OTOGL: variants seen among roughly 807,000 people sequenced by gnomAD.
OTOGL encodes the protein otogelin-like protein.
OTOGL carries 285 observed loss-of-function variants against 318.5 expected under a neutral mutation model. That is an observed-to-expected ratio of 0.89 (90% CI 0.81 to 0.99). OTOGL has a LOEUF of 0.99. Among genes scored for constraint, OTOGL ranks in the 50% least tolerant of loss-of-function variants. The pLI is 0.00. For synonymous variants in OTOGL, 987 were observed against 936.5 expected, an observed-to-expected ratio of 1.05 and a Z score of -0.99; for missense variants, 2,899 against 2,845.6, an observed-to-expected ratio of 1.02 and a Z score of -0.43.
rs988919377 is a variant in OTOGL at position 80,293,657 on chromosome 12, C to CA, written c.2929-3170_2929-3169insA. ...CATTTCTACTTCCTCATATGTTCAG[C>CA]TTTTTTTTTTTTACCTGGTCAGCTC... On this transcript the variant is annotated intron_variant, in intron 26 of 58. Transcript: ENST00000547103. Among the ~76,000 whole-genome samples the CA allele has an allele frequency of 5.5e-5, 8 of 145,200 alleles. No homozygotes were observed. In the East Asian group the frequency reaches 1.6e-3, roughly 29 times the overall value.
intron 1 of OTOGL, among the ~76,000 whole-genome samples, chr12:80,175,770 C>G (rs1045876677): frequency 1.1e-4 from 17 of 152,100 alleles, no homozygotes; most frequent in African/African-American, 3.4e-4. Flanking sequence ...CTGCCTGATT[C>G]ACTTAGAAGT....
Position 80,262,094 on chromosome 12 carries a change from G to A in OTOGL, c.2014+1G>A. Reference sequence around the variant, plus strand: ...CCCTGTAACATCAATCAACAAAACAGTAAGTTTTGCATGTAAACTTCCTTT... The same window carrying A: ...CCCTGTAACATCAATCAACAAAACAATAAGTTTTGCATGTAAACTTCCTTT... On this transcript the variant is annotated splice_donor_variant, in intron 19 of 58. Transcript: ENST00000547103. LOFTEE classifies it high-confidence loss of function. 3.7e-6 allele frequency: 6 copies of A among 1,602,666 alleles called. No homozygotes were observed. The highest frequency in any genetic ancestry group is 2.2e-5 in the East Asian group (1 of 44,574).
At chr12:80,102,180 G>T (rs1869179911) in intron 1 of OTOGL, among the ~76,000 whole-genome samples, 1 of 152,156 alleles carries the variant, frequency 6.6e-6, no homozygotes, top group Admixed American at 6.5e-5. Context: ...AACTCCCTGG[G>T]ACCCTAAGTA....
At chr12:80,151,723 G>A (rs1296856174) in intron 1 of OTOGL, among the ~76,000 whole-genome samples, 1 of 152,156 alleles carries the variant, frequency 6.6e-6, no homozygotes, top group Non-Finnish European at 1.5e-5. Context: ...GTGGTGAGAG[G>A]CAAAGGAAGA....
At chr12:80,307,541 C>A (rs555446974) in intron 29 of OTOGL, among the ~76,000 whole-genome samples, 14 of 146,646 alleles carry the variant, frequency 9.5e-5, no homozygotes, top group African/African-American at 3.6e-4. Context: ...ACCTCCGGGA[C>A]GGGGCAGCTG....
intron 29 of OTOGL, 64 bp from the exon 30 acceptor site, chr12:80,310,547 G>T: frequency 8.8e-7 from 1 of 1,130,442 alleles, no homozygotes; most frequent in Non-Finnish European, 1.3e-6. Context: ...AAGTTGGGTA[G>T]GTTACTCTGT....
At chr12:80,203,101 C>A (rs1876572211) in intron 1 of OTOGL, among the ~76,000 whole-genome samples, 1 of 152,164 alleles carries the variant, frequency 6.6e-6, no homozygotes. Context: ...TGAATGCATT[C>A]ATTTTCTTTA....
chr12:80,282,808 C>T (rs1209220327), intron 26 of OTOGL, among the ~76,000 whole-genome samples: 1 of 151,884 alleles, frequency 6.6e-6, no homozygotes, highest in African/African-American at 2.4e-5. Context: ...CTCTGACACT[C>T]CTTTAAGTTA....
chr12:80,149,081 G>A (rs1379799239), intron 1 of OTOGL, among the ~76,000 whole-genome samples: 1 of 152,184 alleles, frequency 6.6e-6, no homozygotes, highest in East Asian at 1.9e-4. Flanking sequence ...GTCCAGCTTT[G>A]TTCCATTGCT....
chr12:80,377,532 G>A (rs936209828), intron 58 of OTOGL, among the ~76,000 whole-genome samples: 18 of 152,194 alleles, frequency 1.2e-4, no homozygotes, highest in African/African-American at 3.9e-4. Flanking sequence ...GACCTGCAGT[G>A]TGCTTGAGCC....
chr12:80,235,619 A>C (rs1242303935), intron 9 of OTOGL, among the ~76,000 whole-genome samples: 1 of 152,158 alleles, frequency 6.6e-6, no homozygotes, highest in East Asian at 1.9e-4. Flanking sequence ...AGACAGACTT[A>C]TATGTTCCAG....
chr12:80,238,702 T>A, intron 9 of OTOGL, 149 bp from the exon 10 acceptor site: 2 of 1,063,852 alleles, frequency 1.9e-6, no homozygotes, highest in Non-Finnish European at 2.4e-6. Flanking sequence ...TAAAGTAATG[T>A]TATTATCTAA....
At chr12:80,234,451 G>A (rs1207171910) in intron 9 of OTOGL, among the ~76,000 whole-genome samples, 1 of 152,136 alleles carries the variant, frequency 6.6e-6, no homozygotes, top group Non-Finnish European at 1.5e-5. Flanking sequence ...ATGGTGAAAG[G>A]ACTACTTAGA....
chr12:80,270,911 AT>A (rs1229172849), intron 23 of OTOGL, among the ~76,000 whole-genome samples: 2 of 152,054 alleles, frequency 1.3e-5, no homozygotes, highest in African/African-American at 4.8e-5. Flanking sequence ...GTGTAGGCTA[AT>A]AAAAGTAATT....
At chr12:80,140,150 G>C (rs574682471) in intron 1 of OTOGL, among the ~76,000 whole-genome samples, 1 of 152,090 alleles carries the variant, frequency 6.6e-6, no homozygotes, top group South Asian at 2.1e-4. Context: ...ATGACATTTC[G>C]AGTCTACCTC....
At position 80,378,314 on chromosome 12, in the gene OTOGL, C is replaced by T; in HGVS notation, c.*266C>T. ...TTATGTATTTAATTACAACTTGGTG[C>T]AGATACAGTATATTCTCATCAACTG... On this transcript the variant is annotated 3_prime_UTR_variant, in exon 59 of 59. Transcript: ENST00000547103. The T allele has an allele frequency of 3.0e-6, 1 of 338,302 alleles. No individual in the cohort carries two copies. The highest frequency in any genetic ancestry group is 5.4e-6 in the Non-Finnish European group (1 of 184,492). 21.0% of individuals were successfully genotyped at this position (338,302 alleles called of 1,614,324 possible).
At chr12:80,273,754 C>T (rs1883586286) in intron 24 of OTOGL, among the ~76,000 whole-genome samples, 2 of 151,906 alleles carry the variant, frequency 1.3e-5, no homozygotes, top group Admixed American at 6.6e-5. Flanking sequence ...TGTGTGGCAA[C>T]CCTGCATCAA....
At chr12:80,186,579 T>A (rs1875306699) in intron 1 of OTOGL, among the ~76,000 whole-genome samples, 1 of 152,158 alleles carries the variant, frequency 6.6e-6, no homozygotes, top group Non-Finnish European at 1.5e-5. Context: ...AAAGAATAAA[T>A]GCCTAATCGT....
At chr12:80,302,026 C>G (rs530327912) in intron 27 of OTOGL, among the ~76,000 whole-genome samples, 4 of 152,170 alleles carry the variant, frequency 2.6e-5, no homozygotes, top group Non-Finnish European at 1.5e-5. Context: ...ATCTTAGCAA[C>G]TGCAGCATAC....
Sources: gnomAD v4.1 joint callset for allele counts (sites outside exome capture counted in the v4.1 genomes callset) on GRCh38, gnomAD v4.1.1 for gene constraint, MANE v1.5 for transcripts, NCBI Gene and HGNC (gene_info 2026-07-23, HGNC 2026-07-21) for gene names.